Variants in LGR6 observed in about 807,000 individuals in gnomAD.
The protein encoded by LGR6 is leucine-rich repeat-containing G protein-coupled receptor 6.
A neutral mutation model predicts 69.4 loss-of-function variants in LGR6; 45 were observed. The ratio of observed to expected loss-of-function variants is 0.65; its 90% confidence interval spans 0.51 to 0.83. LGR6 has a LOEUF of 0.83. Ranked by LOEUF, LGR6 falls within the 40% of genes least tolerant of loss-of-function variation. The pLI, the probability that LGR6 is intolerant of heterozygous loss-of-function variation, is 0.00. For missense variants in LGR6, 1,108 were observed against 1,246.7 expected, an observed-to-expected ratio of 0.89 and a Z score of 1.68; for synonymous variants, 538 against 555.0, an observed-to-expected ratio of 0.97 and a Z score of 0.43.
At position 202,318,216 on chromosome 1, in the gene LGR6, C is replaced by G. The variant is rs559943711; in HGVS notation, c.1913C>G (p.Thr638Arg). The change falls in exon 18 of 18, where the codon ACG becomes AGG. Residue 638 changes from threonine (T) to arginine (R), a missense_variant. Thr to Arg is a moderately conservative substitution (Grantham distance 71). Transcript: ENST00000367278. ...TCTGAGTACGGAGCCCGCTGGGAGA[C>G]GGGGCTAGGCTGCCGGGCCACTGGC... ...QFSEYGARWE[T>R]GLGCRATGFL... 4 of 1,612,270 alleles carry G rather than the reference C, an allele frequency of 2.5e-6. No homozygotes were observed. Among genetic ancestry groups the G allele is most frequent in the Non-Finnish European group, 3.4e-6 (4 of 1,179,680 alleles).
chr1:202,196,846 G>C lies in LGR6; in HGVS notation c.212+2645G>C, dbSNP rs149300035. Among the ~76,000 whole-genome samples, 4 of 152,316 alleles carry C rather than the reference G, an allele frequency of 2.6e-5. No homozygotes were observed. The East Asian group carries it at 7.7e-4, about 29-fold the overall frequency. ...GGTTTGTGGCTGGAGGAAGAGAGCT[G>C]TGTGCTGGGGAGGTGACTGTCAGGG... On this transcript the variant is annotated intron_variant, in intron 1 of 17. Transcript: ENST00000367278.
chr1:202,254,863 G>T (rs950579333), intron 4 of LGR6, among the ~76,000 whole-genome samples: 2 of 150,750 alleles, frequency 1.3e-5, no homozygotes, highest in Admixed American at 1.3e-4. Context: ...TTGAAGATCA[G>T]CTGGGGCTGT....
chr1:202,210,484 G>A (rs141525221), intron 1 of LGR6, among the ~76,000 whole-genome samples: 1 of 151,704 alleles, frequency 6.6e-6, no homozygotes, highest in Admixed American at 6.6e-5. Flanking sequence ...ATTTGAGAGA[G>A]AGGGAGGGAG....
At position 202,276,484 on chromosome 1, in the gene LGR6, G is replaced by A. The variant is rs746891272; in HGVS notation, c.607G>A (p.Asp203Asn). ...LALNRISHIP[D>N]YAFQNLTSLV... ...CCTCAACCGCATCAGCCACATCCCC[G>A]ACTACGCGTTCCAGAATCTCACCAG... The change falls in exon 5 of 18, where the codon GAC becomes AAC. Residue 203 changes from aspartate to asparagine, a missense_variant. By Grantham distance (23) the Asp-to-Asn change is conservative. Transcript: ENST00000367278. The A allele has an allele frequency of 1.1e-5, 17 of 1,614,124 alleles. 1 individual carries two copies. Among genetic ancestry groups the A allele is most frequent in the Middle Eastern group, 3.3e-4 (2 of 6,062 alleles).
intron 2 of LGR6, 96 bp from the exon 3 acceptor site, chr1:202,227,840 G>T: frequency 1.2e-6 from 1 of 807,072 alleles, no homozygotes; most frequent in Admixed American, 1.9e-5. Context: ...TTTTACCACC[G>T]CCCTCCCTTC....
intron 4 of LGR6, among the ~76,000 whole-genome samples, chr1:202,263,706 G>A (rs961670328): frequency 6.6e-6 from 1 of 152,166 alleles, no homozygotes; most frequent in Non-Finnish European, 1.5e-5. Flanking sequence ...AGAAAGAGGA[G>A]TTTTAAGCAG....
intron 4 of LGR6, among the ~76,000 whole-genome samples, chr1:202,239,472 G>C (rs1052972301): frequency 6.6e-6 from 1 of 151,888 alleles, no homozygotes; most frequent in African/African-American, 2.4e-5. Flanking sequence ...GGAGGACCTT[G>C]CTAAGGATTT....
At chr1:202,230,300 C>G (rs1660915178) in intron 3 of LGR6, among the ~76,000 whole-genome samples, 1 of 144,874 alleles carries the variant, frequency 6.9e-6, no homozygotes, top group Non-Finnish European at 1.5e-5. Flanking sequence ...AGATATTACT[C>G]TTAAGATCTT....
intron 16 of LGR6, among the ~76,000 whole-genome samples, chr1:202,311,261 C>T (rs1185739463): frequency 1.3e-5 from 2 of 152,154 alleles, no homozygotes; most frequent in African/African-American, 4.8e-5. Context: ...CTCATTACAG[C>T]GTAGACAAAA....
At chr1:202,317,848 C>T (rs1177502433) in intron 17 of LGR6, 104 bp from the exon 18 acceptor site, 2 of 1,190,420 alleles carry the variant, frequency 1.7e-6, no homozygotes, top group Non-Finnish European at 2.4e-6. Context: ...CCATGTTCAT[C>T]TCCTTTTGAT....
At chr1:202,198,656 G>C (rs2147886875) in intron 1 of LGR6, among the ~76,000 whole-genome samples, 1 of 144,496 alleles carries the variant, frequency 6.9e-6, no homozygotes, top group Admixed American at 7.1e-5. Context: ...CTGGGAACCA[G>C]AGTAATTTTA....
chr1:202,262,486 C>T (rs1664313904), intron 4 of LGR6, among the ~76,000 whole-genome samples: 1 of 152,094 alleles, frequency 6.6e-6, no homozygotes, highest in Admixed American at 6.5e-5. Context: ...GTTTTGGTTA[C>T]TGTAGCCTTG....
At chr1:202,204,408 ACACAC>A (rs796926796) in intron 1 of LGR6, among the ~76,000 whole-genome samples, 9 of 99,024 alleles carry the variant, frequency 9.1e-5, no homozygotes, top group Admixed American at 1.1e-4. Flanking sequence ...ACCTCCAAAC[ACACAC>A]CACACACACA....
chr1:202,271,820 A>AG (rs55717987), intron 4 of LGR6, among the ~76,000 whole-genome samples: 11,534 of 150,072 alleles, frequency 0.077, 576 homozygotes, highest in Middle Eastern at 0.13. Flanking sequence ...AAAAAAAAAA[A>AG]AAAAAAAAAG....
chr1:202,199,770 A>G (rs1658774401), intron 1 of LGR6, among the ~76,000 whole-genome samples: 1 of 152,158 alleles, frequency 6.6e-6, no homozygotes, highest in Non-Finnish European at 1.5e-5. Context: ...TCTTTGGGCA[A>G]ATCACTTAAC....
intron 2 of LGR6, among the ~76,000 whole-genome samples, chr1:202,225,998 GCCTT>G (rs1660519137): frequency 6.6e-6 from 1 of 152,150 alleles, no homozygotes; most frequent in South Asian, 2.1e-4. Flanking sequence ...CAGCTCAAAA[GCCTT>G]CTGTAATTCC....
At chr1:202,273,173 G>A (rs901101595) in intron 4 of LGR6, among the ~76,000 whole-genome samples, 4 of 152,162 alleles carry the variant, frequency 2.6e-5, no homozygotes, top group Admixed American at 2.0e-4. Context: ...GAAGATACAG[G>A]ACACGGTACC....
chr1:202,214,320 G>A, intron 1 of LGR6: 1 of 1,311,800 alleles, frequency 7.6e-7, no homozygotes, highest in South Asian at 1.5e-5. Flanking sequence ...AGAAACCGAC[G>A]CGACGGGTGG....
chr1:202,222,878 G>A (rs1660262142), intron 1 of LGR6, among the ~76,000 whole-genome samples: 1 of 152,182 alleles, frequency 6.6e-6, no homozygotes, highest in Admixed American at 6.5e-5. Flanking sequence ...CAAGGCAGGA[G>A]GATCACTTGA....
Sources: gnomAD v4.1 joint callset for allele counts (sites outside exome capture counted in the v4.1 genomes callset) on GRCh38, gnomAD v4.1.1 for gene constraint, MANE v1.5 for transcripts, NCBI Gene and HGNC (gene_info 2026-07-23, HGNC 2026-07-21) for gene names.